The following ZC3H12B variants were observed in gnomAD, a reference collection of about 807,000 sequenced individuals.
ZC3H12B encodes the protein zinc finger CCCH-type containing 12B, also known as probable ribonuclease ZC3H12B.
In ZC3H12B, 7 loss-of-function variants were observed where a neutral mutation model predicts 43.9. The ratio of observed to expected loss-of-function variants is 0.16; its 90% CI spans 0.09 to 0.30. The LOEUF (loss-of-function observed/expected upper bound fraction) is 0.30. ZC3H12B is among the 10% of genes least tolerant of loss of function. The pLI is 1.00. For missense variants in ZC3H12B, 475 were observed against 670.2 expected, an observed-to-expected ratio of 0.71 and a Z score of 3.22; for synonymous variants, 222 against 241.7, an observed-to-expected ratio of 0.92 and a Z score of 0.76.
In ZC3H12B at chrX:65,406,446, C is replaced by T. The variant is rs190989724; in HGVS notation, n.407+7742C>T. Among the ~76,000 whole-genome samples the T allele has an allele frequency of 3.7e-3, 390 of 104,995 alleles. 2 individuals carry two copies. Among genetic ancestry groups the T allele is most frequent in the Non-Finnish European group, 3.1e-3 (159 of 51,243 alleles). The allele number at this position is 104,995 out of a possible 115,157, so 91.2% of individuals were successfully genotyped here. ...AAAAGCTTTTGATAAAATTCAACAT[C>T]CCTTCATGATTAAAAAAAAAAAAAA... is the stretch of plus-strand genomic sequence containing the variant. On this transcript the variant is annotated intron_variant and non_coding_transcript_variant, in intron 3 of 5. Coordinates refer to the ZC3H12B transcript ENST00000617377.
intron 3 of ZC3H12B, among the ~76,000 whole-genome samples, chrX:65,479,874 A>G (rs750944829): frequency 8.9e-6 from 1 of 112,646 alleles, no homozygotes; most frequent in South Asian, 3.7e-4. Context: ...GGGCTCCATT[A>G]CAGAATTTTA....
the ZC3H12B span, among the ~76,000 whole-genome samples, chrX:65,115,318 C>T: frequency 3.6e-5 from 4 of 110,477 alleles, no homozygotes; most frequent in Non-Finnish European, 5.7e-5. Context: ...GTTTTCCATT[C>T]CTGAGTTACT....
At chrX:65,305,212 A>T in the ZC3H12B span, among the ~76,000 whole-genome samples, 127 of 111,827 alleles carry the variant, frequency 1.1e-3, 1 homozygote, top group African/African-American at 4.1e-3. Flanking sequence ...TAAACTTTAA[A>T]TCTCAGAGAA....
At chrX:65,118,778 T>C in the ZC3H12B span, among the ~76,000 whole-genome samples, 1 of 108,367 alleles carries the variant, frequency 9.2e-6, no homozygotes, top group Non-Finnish European at 1.9e-5. Flanking sequence ...ATTAGGTATA[T>C]GTCCTAATGC....
At chrX:65,239,805 A>G in the ZC3H12B span, among the ~76,000 whole-genome samples, 1 of 112,090 alleles carries the variant, frequency 8.9e-6, no homozygotes, top group Non-Finnish European at 1.9e-5. Context: ...CTTGTCTTCA[A>G]GGGATCTTAT....
chrX:65,275,377 T>C, the ZC3H12B span, among the ~76,000 whole-genome samples: 1 of 112,971 alleles, frequency 8.9e-6, no homozygotes, highest in Non-Finnish European at 1.9e-5. Flanking sequence ...GTCATGTCTC[T>C]AGGTAGGTCA....
At chrX:65,237,913 C>T in the ZC3H12B span, among the ~76,000 whole-genome samples, 2 of 111,409 alleles carry the variant, frequency 1.8e-5, no homozygotes, top group African/African-American at 6.5e-5. Context: ...GGGATGAAGC[C>T]AACTTGATTG....
At chrX:65,456,577 T>A (rs2067616345) in intron 3 of ZC3H12B, among the ~76,000 whole-genome samples, 1 of 105,795 alleles carries the variant, frequency 9.5e-6, no homozygotes, top group Non-Finnish European at 2.0e-5. Flanking sequence ...TGCCTGCGAT[T>A]GCAGGCGCGC....
the ZC3H12B span, among the ~76,000 whole-genome samples, chrX:65,175,833 G>A: frequency 8.9e-6 from 1 of 111,978 alleles, no homozygotes; most frequent in Non-Finnish European, 1.9e-5. Context: ...GAAAAACTGT[G>A]CCATGAGAGA....
chrX:65,476,470 AAG>A (rs1199498581), intron 3 of ZC3H12B, among the ~76,000 whole-genome samples: 3 of 111,918 alleles, frequency 2.7e-5, no homozygotes, highest in African/African-American at 9.8e-5. Flanking sequence ...ACACTCAAGA[AAG>A]AGGCGTGCAG....
chrX:65,064,186 T>C, the ZC3H12B span, among the ~76,000 whole-genome samples: 2 of 111,778 alleles, frequency 1.8e-5, no homozygotes, highest in African/African-American at 6.5e-5. Context: ...ATTTCTTGTC[T>C]TCTGCTAGCT....
the ZC3H12B span, among the ~76,000 whole-genome samples, chrX:65,342,389 A>G: frequency 5.4e-5 from 6 of 111,978 alleles, no homozygotes; most frequent in Non-Finnish European, 1.1e-4. Flanking sequence ...ACATACTCTA[A>G]AATCGACCAC....
At chrX:65,417,893 A>C (rs1339255446) in intron 3 of ZC3H12B, among the ~76,000 whole-genome samples, 1 of 111,717 alleles carries the variant, frequency 9.0e-6, no homozygotes, top group Non-Finnish European at 1.9e-5. Context: ...CATACTATCC[A>C]CTCCAAGTGG....
the ZC3H12B span, among the ~76,000 whole-genome samples, chrX:65,163,907 A>C: frequency 3.6e-5 from 4 of 111,876 alleles, no homozygotes; most frequent in African/African-American, 1.3e-4. Context: ...CTATTCAGCC[A>C]TCTTGGCTCC....
chrX:65,189,590 G>C, the ZC3H12B span, among the ~76,000 whole-genome samples: 6 of 104,958 alleles, frequency 5.7e-5, no homozygotes, highest in Non-Finnish European at 9.7e-5. Flanking sequence ...CTGCATAAAT[G>C]TCTTCTTTTG....
the ZC3H12B span, among the ~76,000 whole-genome samples, chrX:65,050,632 G>A: frequency 4.8e-4 from 53 of 111,210 alleles, 1 homozygote; most frequent in African/African-American, 1.5e-3. Flanking sequence ...TGTCACAAAA[G>A]GGTGTTGAAT....
At chrX:65,322,901 C>T in the ZC3H12B span, among the ~76,000 whole-genome samples, 3 of 111,295 alleles carry the variant, frequency 2.7e-5, no homozygotes, top group African/African-American at 9.8e-5. Flanking sequence ...TTTTTTACTT[C>T]TTCAACTTTT....
At chrX:65,244,976 T>C in the ZC3H12B span, among the ~76,000 whole-genome samples, 14 of 110,991 alleles carry the variant, frequency 1.3e-4, no homozygotes, top group Non-Finnish European at 1.9e-4. Flanking sequence ...ATCTCTTTCC[T>C]ATTGGTTACA....
chrX:65,157,946 C>T, the ZC3H12B span, among the ~76,000 whole-genome samples: 12 of 83,472 alleles, frequency 1.4e-4, no homozygotes, highest in East Asian at 3.3e-3. Flanking sequence ...CAACAGGCCC[C>T]AGAGTGTGAT....
Sources: gnomAD v4.1 joint callset for allele counts (sites outside exome capture counted in the v4.1 genomes callset) on GRCh38, gnomAD v4.1.1 for gene constraint, MANE v1.5 for transcripts, NCBI Gene and HGNC (gene_info 2026-07-23, HGNC 2026-07-21) for gene names.